Variants in SLC9A9 observed in about 807,000 individuals in gnomAD.
SLC9A9 encodes the protein solute carrier family 9 member A9, also known as sodium/hydrogen exchanger 9.
SLC9A9 carries 62 observed loss-of-function variants against 77.8 expected under a neutral mutation model. The observed-to-expected ratio is 0.80, with a 90% CI of 0.65 to 0.98. The LOEUF is 0.98. SLC9A9 is among the 50% of genes least tolerant of loss of function. The pLI is 0.00. For synonymous variants in SLC9A9, 320 were observed against 283.5 expected, an observed-to-expected ratio of 1.13 and a Z score of -1.29; for missense variants, 775 against 774.9, an observed-to-expected ratio of 1.00 and a Z score of 0.00.
chr3:143,468,488 A>G (rs1333424725), intron 11 of SLC9A9, among the ~76,000 whole-genome samples: 1 of 152,222 alleles, frequency 6.6e-6, no homozygotes, highest in East Asian at 1.9e-4. Context: ...GTAGCTATAT[A>G]ATAAGCCTTA....
chr3:143,453,177 C>T (rs949399588), intron 12 of SLC9A9, among the ~76,000 whole-genome samples: 2 of 151,930 alleles, frequency 1.3e-5, no homozygotes, highest in East Asian at 1.9e-4. Flanking sequence ...ACCTTGAATA[C>T]ACAAATTAAC....
chr3:143,746,314 T>C (rs1002176049), intron 4 of SLC9A9, among the ~76,000 whole-genome samples: 4 of 152,216 alleles, frequency 2.6e-5, no homozygotes, highest in African/African-American at 9.6e-5. Flanking sequence ...CAAATACTTA[T>C]TTAGTGTCCC....
chr3:143,713,201 G>C (rs1934243383), intron 4 of SLC9A9, among the ~76,000 whole-genome samples: 1 of 152,232 alleles, frequency 6.6e-6, no homozygotes, highest in South Asian at 2.1e-4. Context: ...AGGATGGAGG[G>C]AAGAGAACTG....
chr3:143,776,800 T>C (rs78814049), intron 4 of SLC9A9, among the ~76,000 whole-genome samples: 4,536 of 152,316 alleles, frequency 0.03, 226 homozygotes, highest in African/African-American at 0.1. Context: ...CCCTTTGACA[T>C]GAATGTATTT....
chr3:143,279,326 C>T (rs1578257441), intron 14 of SLC9A9, among the ~76,000 whole-genome samples: 1 of 152,178 alleles, frequency 6.6e-6, no homozygotes. Flanking sequence ...AGAACTTACA[C>T]AATTAGGGTC....
chr3:143,444,026 C>G (rs1310338019), intron 12 of SLC9A9, among the ~76,000 whole-genome samples: 1 of 152,170 alleles, frequency 6.6e-6, no homozygotes, highest in Non-Finnish European at 1.5e-5. Context: ...TTCACTCCCC[C>G]ACGGCCACAC....
chr3:143,454,718 G>A (rs1390457169), intron 12 of SLC9A9, among the ~76,000 whole-genome samples: 1 of 152,150 alleles, frequency 6.6e-6, no homozygotes, highest in Non-Finnish European at 1.5e-5. Flanking sequence ...CTTGTCTGGA[G>A]GCTCTGGAGG....
chr3:143,761,929 A>T (rs1036973300), intron 4 of SLC9A9, among the ~76,000 whole-genome samples: 7 of 152,148 alleles, frequency 4.6e-5, no homozygotes, highest in South Asian at 2.1e-4. Flanking sequence ...TAGCAAAGAC[A>T]TGGAACCAAC....
intron 2 of SLC9A9, among the ~76,000 whole-genome samples, chr3:143,805,898 G>A (rs1559806702): frequency 6.6e-6 from 1 of 152,076 alleles, no homozygotes; most frequent in Non-Finnish European, 1.5e-5. Flanking sequence ...AAGCCTGTTT[G>A]GTGGTCTCTT....
intron 12 of SLC9A9, among the ~76,000 whole-genome samples, chr3:143,399,613 C>T (rs989175676): frequency 6.6e-5 from 10 of 152,086 alleles, no homozygotes; most frequent in Non-Finnish European, 1.2e-4. Context: ...ATGAAGACTA[C>T]GGAAAGTGCA....
chr3:143,322,067 G>C (rs2031439725), intron 14 of SLC9A9, among the ~76,000 whole-genome samples: 1 of 152,220 alleles, frequency 6.6e-6, no homozygotes, highest in African/African-American at 2.4e-5. Context: ...AGACAGTGGA[G>C]TCCTGACCTT....
At chr3:143,646,808 G>A (rs1217880814) in intron 6 of SLC9A9, among the ~76,000 whole-genome samples, 1 of 152,134 alleles carries the variant, frequency 6.6e-6, no homozygotes, top group East Asian at 1.9e-4. Flanking sequence ...AATCATATAG[G>A]AGGGTTCTCA....
At position 143,285,200 on chromosome 3, in the gene SLC9A9, A is replaced by G. The variant is rs1161775276; in HGVS notation, c.1605-16220T>C. 3.3e-5 allele frequency among the ~76,000 whole-genome samples: 5 copies of G among 152,206 alleles called. No individual in the cohort carries two copies. The East Asian group carries it at 7.7e-4, about 23-fold the overall frequency. ...CTGCTCCCATCAACCTGTCTTTTAC[A>G]TTAGGTATCTCTCCTAATGCTAGCC... On this transcript the variant is annotated intron_variant, in intron 14 of 15. Coordinates refer to ENST00000316549, the MANE Select transcript of SLC9A9 (RefSeq NM_173653.4).
chr3:143,380,387 A>G (rs1454845854), intron 13 of SLC9A9, among the ~76,000 whole-genome samples: 1 of 152,238 alleles, frequency 6.6e-6, no homozygotes, highest in African/African-American at 2.4e-5. Context: ...AGAGAATTTT[A>G]TTTGATGAAT....
chr3:143,806,064 T>C (rs1001476470), intron 2 of SLC9A9, among the ~76,000 whole-genome samples: 3 of 151,474 alleles, frequency 2.0e-5, no homozygotes, highest in African/African-American at 7.3e-5. Flanking sequence ...CTTTATTCTT[T>C]TCCCCCCCAC....
chr3:143,711,688 G>C (rs1374488988), intron 4 of SLC9A9, among the ~76,000 whole-genome samples: 1 of 151,238 alleles, frequency 6.6e-6, no homozygotes, highest in Non-Finnish European at 1.5e-5. Context: ...GCCTCCCAAA[G>C]TGCTGGGATT....
At chr3:143,315,643 C>T (rs1179736490) in intron 14 of SLC9A9, among the ~76,000 whole-genome samples, 1 of 152,180 alleles carries the variant, frequency 6.6e-6, no homozygotes, top group Non-Finnish European at 1.5e-5. Context: ...CATAGATAAT[C>T]AAGACCCAGG....
chr3:143,817,121 A>G (rs898324302), intron 2 of SLC9A9, among the ~76,000 whole-genome samples: 15 of 148,820 alleles, frequency 1.0e-4, no homozygotes, highest in Non-Finnish European at 2.1e-4. Flanking sequence ...TGTCTTTTTC[A>G]TGCAAAAGTT....
intron 14 of SLC9A9, among the ~76,000 whole-genome samples, chr3:143,283,027 C>T (rs899897929): frequency 1.3e-5 from 2 of 152,172 alleles, no homozygotes; most frequent in African/African-American, 2.4e-5. Context: ...TATATATCTC[C>T]TCTCTTGTTA....
Sources: gnomAD v4.1 joint callset for allele counts (sites outside exome capture counted in the v4.1 genomes callset) on GRCh38, gnomAD v4.1.1 for gene constraint, MANE v1.5 for transcripts, NCBI Gene and HGNC (gene_info 2026-07-23, HGNC 2026-07-21) for gene names.